PCDHGA6: variants seen among roughly 807,000 people sequenced by gnomAD.
PCDHGA6 encodes protocadherin gamma-A6.
Under a neutral mutation model 60.6 loss-of-function variants are expected in PCDHGA6, and 41 were observed. The ratio of observed to expected loss-of-function variants is 0.68; its 90% confidence interval spans 0.53 to 0.88. The LOEUF (loss-of-function observed/expected upper bound fraction) is 0.88, where lower values mean the gene tolerates loss of function less well. Ranked by LOEUF, PCDHGA6 falls within the 40% of genes least tolerant of loss-of-function variation. The pLI is 0.00. For missense variants in PCDHGA6, 1,312 were observed against 1,203.0 expected, an observed-to-expected ratio of 1.09 and a Z score of -1.34; for synonymous variants, 594 against 524.4, an observed-to-expected ratio of 1.13 and a Z score of -1.81.
intron 1 of PCDHGA6, chr5:141,416,991 T>A (rs1052950610): frequency 2.0e-5 from 3 of 151,906 alleles, no homozygotes; most frequent in Non-Finnish European, 4.4e-5. Context: ...TTATTGTGCA[T>A]TCATCTCAAA....
At position 141,415,171 on chromosome 5, in the gene PCDHGA6, G is replaced by A. The variant is rs748508713; in HGVS notation, c.2424+38664G>A. ...TCTCTCCGCCACTGTCACGCTCACC[G>A]TGGCCGTGGCCGACAGCATCCCCCA... On this transcript the variant is annotated intron_variant, in intron 1 of 3. Coordinates refer to ENST00000517434, the MANE Select transcript of PCDHGA6 (RefSeq NM_018919.3). 8 of 1,613,876 alleles carry A rather than the reference G, an allele frequency of 5.0e-6. No homozygotes were observed. In the South Asian group the frequency reaches 6.6e-5, roughly 13 times the overall value.
chr5:141,490,157 G>A lies in PCDHGA6; in HGVS notation c.2425-4650G>A. 6.2e-7 allele frequency: 1 copy of A among 1,614,210 alleles called. No homozygotes were observed. On this transcript the variant is annotated intron_variant, in intron 1 of 3. Transcript: ENST00000517434. The surrounding 1 kb of genome is among the most constrained non-coding windows in gnomAD (Gnocchi z 5.4). ...AGCAGTGGGGCAATCCATGTGTTGG[G>A]TCCCATAGACTTTGAGGAGTCACGT...
intron 1 of PCDHGA6, among the ~76,000 whole-genome samples, chr5:141,457,863 C>A (rs2098930968): frequency 6.6e-6 from 1 of 152,194 alleles, no homozygotes; most frequent in Non-Finnish European, 1.5e-5. Flanking sequence ...TCTTCACTGA[C>A]CACAGGTTAG....
At chr5:141,445,118 G>A (rs964726987) in intron 1 of PCDHGA6, among the ~76,000 whole-genome samples, 1 of 152,148 alleles carries the variant, frequency 6.6e-6, no homozygotes, top group Non-Finnish European at 1.5e-5. Flanking sequence ...ATTGTAAATA[G>A]TATTTTTAAA....
chr5:141,422,450 G>C (rs748354292), intron 1 of PCDHGA6: 71 of 1,611,564 alleles, frequency 4.4e-5, no homozygotes, highest in Non-Finnish European at 5.9e-5. Flanking sequence ...TTGATAACAA[G>C]CAGAGTGCTG....
chr5:141,376,199 G>T lies in PCDHGA6; in HGVS notation c.2116G>T (p.Ala706Ser). The T allele has an allele frequency of 1.9e-6, 3 of 1,614,162 alleles. No homozygotes were observed. The highest frequency in any genetic ancestry group is 2.5e-6 in the Non-Finnish European group (3 of 1,180,030). Reference sequence around the variant, plus strand: ...GGCCGCGGTCTCCTGCGTCTTCCTGGCCTTCGTCATCGTGCTGCTGGCGCT... The same window carrying T: ...GGCCGCGGTCTCCTGCGTCTTCCTGTCCTTCGTCATCGTGCTGCTGGCGCT... ...AVAAVSCVFL[A>S]FVIVLLALRL... Residue 706 changes from alanine to serine, a missense_variant, in exon 1 of 4, where the codon GCC becomes TCC. Ala to Ser is a moderately conservative substitution (Grantham distance 99). Transcript: ENST00000517434.
In PCDHGA6 at chr5:141,491,105, C is replaced by T; in HGVS notation, c.2425-3702C>T. ...ACAGCCCCAGGACTGTTCCTCGTGTCTACACACACTGGTGAGGTGCGCACA... is the reference window on the plus strand; with the variant it reads ...ACAGCCCCAGGACTGTTCCTCGTGTTTACACACACTGGTGAGGTGCGCACA... On this transcript the variant is annotated intron_variant, in intron 1 of 3. Transcript: ENST00000517434. This position sits in a 1 kb window ranked among gnomAD's most constrained non-coding sequence, Gnocchi z 6.9. 1 of 1,614,222 alleles carries T rather than the reference C, an allele frequency of 6.2e-7. No individual in the cohort carries two copies. Among genetic ancestry groups the T allele is most frequent in the Non-Finnish European group, 8.5e-7 (1 of 1,180,032 alleles).
In PCDHGA6 at chr5:141,382,874, G is replaced by T. The variant is rs369372304; in HGVS notation, c.2424+6367G>T. On this transcript the variant is annotated intron_variant, in intron 1 of 3. Coordinates refer to ENST00000517434, the MANE Select transcript of PCDHGA6 (RefSeq NM_018919.3). ...TTCTGAAGCACTTCCCGAGATCGGC[G>T]CCTAAGCAAGAGAAGCAGGACGACT... 2.9e-4 allele frequency: 441 copies of T among 1,522,954 alleles called. 1 individual carries two copies. The highest frequency in any genetic ancestry group is 3.8e-4 in the Non-Finnish European group (430 of 1,137,240). 94.3% of individuals were successfully genotyped at this position (1,522,954 alleles called of 1,614,324 possible).
At chr5:141,423,084 G>C (rs1427825232) in intron 1 of PCDHGA6, 2 of 1,613,942 alleles carry the variant, frequency 1.2e-6, no homozygotes, top group Non-Finnish European at 1.7e-6. Flanking sequence ...GACTCTTCGC[G>C]GTGGGGGAGC....
intron 1 of PCDHGA6, chr5:141,389,501 G>A (rs752472089): frequency 3.7e-6 from 6 of 1,613,066 alleles, no homozygotes; most frequent in Non-Finnish European, 5.1e-6. Context: ...GCTCGCCAGC[G>A]CTCAGCGCGA....
At chr5:141,382,571 A>G (rs1016420360) in intron 1 of PCDHGA6, among the ~76,000 whole-genome samples, 2 of 152,244 alleles carry the variant, frequency 1.3e-5, no homozygotes, top group Admixed American at 6.5e-5. Flanking sequence ...AAGAAATCTA[A>G]CAGGGAAATT....
In PCDHGA6 at chr5:141,417,959, C is replaced by T. The variant is rs759279387; in HGVS notation, c.2424+41452C>T. 7.4e-6 allele frequency: 12 copies of T among 1,613,616 alleles called. No homozygotes were observed. The highest frequency in any genetic ancestry group is 4.0e-5 in the African/African-American group (3 of 74,932). On this transcript the variant is annotated intron_variant, in intron 1 of 3. Coordinates refer to ENST00000517434, the MANE Select transcript of PCDHGA6 (RefSeq NM_018919.3). The stretch of plus-strand genomic sequence containing the variant: ...CTACCCCACGCTGTGTGAGCCGATC[C>T]GCTACTCGATTCCGGAGGAGCTGGC...
chr5:141,499,408 G>C (rs1178843162), intron 2 of PCDHGA6, among the ~76,000 whole-genome samples: 1 of 151,896 alleles, frequency 6.6e-6, no homozygotes, highest in Non-Finnish European at 1.5e-5. Context: ...GCTCATTATA[G>C]AAACATGAAA....
At chr5:141,466,898 A>G (rs1029507733) in intron 1 of PCDHGA6, among the ~76,000 whole-genome samples, 1 of 152,170 alleles carries the variant, frequency 6.6e-6, no homozygotes, top group African/African-American at 2.4e-5. Context: ...TTTTCCATGA[A>G]GTTTTTGAAA....
Position 141,489,978 on chromosome 5 carries a change from T to C in PCDHGA6, c.2425-4829T>C. 6.2e-7 allele frequency: 1 copy of C among 1,614,192 alleles called. No homozygotes were observed. Among genetic ancestry groups the C allele is most frequent in the Non-Finnish European group, 8.5e-7 (1 of 1,180,012 alleles). On this transcript the variant is annotated intron_variant, in intron 1 of 3. Coordinates refer to ENST00000517434, the MANE Select transcript of PCDHGA6 (RefSeq NM_018919.3). The surrounding 1 kb of genome is among the most constrained non-coding windows in gnomAD (Gnocchi z 4.5). ...ATGCTCCAACCTTCCAATCCTCAGT[T>C]CTACGTGTGGGAATCCCAGAGAATG...
intron 1 of PCDHGA6, chr5:141,423,316 G>C (rs1424301976): frequency 1.2e-6 from 2 of 1,614,044 alleles, no homozygotes; most frequent in Non-Finnish European, 1.7e-6. Context: ...CTTGGTGGTG[G>C]CGGTGGCCGC....
At chr5:141,411,227 G>A (rs1276536852) in intron 1 of PCDHGA6, 1 of 152,092 alleles carries the variant, frequency 6.6e-6, no homozygotes, top group Non-Finnish European at 1.5e-5. Context: ...TCAAATTTGC[G>A]AAGACTTAGT....
At chr5:141,505,345 G>C (rs776607130) in intron 2 of PCDHGA6, 48 bp from the exon 3 acceptor site, 3 of 1,613,086 alleles carry the variant, frequency 1.9e-6, no homozygotes, top group Non-Finnish European at 2.5e-6. Flanking sequence ...AGGGGCATGA[G>C]CTGTGCCGGC....
In PCDHGA6 at chr5:141,431,561, G is replaced by T; in HGVS notation, c.2424+55054G>T. The T allele has an allele frequency of 6.2e-7, 1 of 1,614,146 alleles. No homozygotes were observed. On this transcript the variant is annotated intron_variant, in intron 1 of 3. Transcript: ENST00000517434. This position sits in a 1 kb window ranked among gnomAD's most constrained non-coding sequence, Gnocchi z 4.8. Reference sequence around the variant, plus strand: ...GCAGCTGCTTGTAGTCAACGCTACCGACCCTGACGAAGGAGTCAATGCGGA... The same window carrying T: ...GCAGCTGCTTGTAGTCAACGCTACCTACCCTGACGAAGGAGTCAATGCGGA...
Sources: allele counts gnomAD v4.1 joint callset (sites outside exome capture counted in the v4.1 genomes callset), GRCh38; gene constraint gnomAD v4.1.1; non-coding constraint Gnocchi (gnomAD v3.1); transcripts MANE v1.5; gene names NCBI Gene and HGNC (gene_info 2026-07-23, HGNC 2026-07-21).